Variants in EYS observed in about 807,000 individuals in gnomAD.
The protein encoded by EYS is EGF-like photoreceptor maintenance factor.
EYS carries 250 observed loss-of-function variants against 282.1 expected under a neutral mutation model. The ratio of observed to expected loss-of-function variants is 0.89; its 90% CI spans 0.80 to 0.98. The LOEUF is 0.98. EYS is among the 50% of genes least tolerant of loss of function. The probability of loss-of-function intolerance (pLI) is 0.00; values close to 1 mark genes in which losing one functional copy is unlikely to be tolerated. For synonymous variants in EYS, 1,355 were observed against 1,282.9 expected (o/e 1.06, Z -1.20); for missense variants, 4,016 against 3,709.0 (o/e 1.08, Z -2.15).
intron 33 of EYS, among the ~76,000 whole-genome samples, chr6:64,016,579 A>T (rs1459546267): frequency 4.6e-5 from 7 of 150,806 alleles, no homozygotes; most frequent in Non-Finnish European, 8.8e-5. Context: ...GATCACATGC[A>T]ATCCTCCTGC....
intron 12 of EYS, among the ~76,000 whole-genome samples, chr6:65,198,662 T>C (rs1314157539): frequency 6.6e-6 from 1 of 152,144 alleles, no homozygotes; most frequent in Non-Finnish European, 1.5e-5. Flanking sequence ...ACTTTAATGT[T>C]AAGAGAGCAA....
chr6:65,491,895 AGAG>A (rs199592090), intron 4 of EYS, among the ~76,000 whole-genome samples: 3,542 of 152,242 alleles, frequency 0.023, 97 homozygotes, highest in African/African-American at 0.062. Context: ...TGTGCTTTCA[AGAG>A]GAGAACATTT....
intron 8 of EYS, among the ~76,000 whole-genome samples, chr6:65,361,186 G>T (rs1764690786): frequency 6.6e-6 from 1 of 152,040 alleles, no homozygotes; most frequent in East Asian, 1.9e-4. Flanking sequence ...ACAGGAAGGG[G>T]AACATCACAC....
chr6:64,439,142 A>C lies in EYS; in HGVS notation c.5835+20T>G. On this transcript the variant is annotated intron_variant, in intron 27 of 42. Transcript: ENST00000503581. ...ACAACTTTGTAATTTTTAAAAAATT[A>C]AATGAACTGAATAACTTACCTTTAA... is the stretch of plus-strand genomic sequence containing the variant. 2 of 1,315,000 alleles carry C rather than the reference A, an allele frequency of 1.5e-6. No homozygotes were observed. Among genetic ancestry groups the C allele is most frequent in the Non-Finnish European group, 2.0e-6 (2 of 986,690 alleles). 81.5% of individuals were successfully genotyped at this position (1,315,000 alleles called of 1,614,324 possible). A position where few individuals can be genotyped will look rare whatever the true frequency, so the allele number is the denominator to read the frequency against.
chr6:65,202,883 C>T (rs982365717), intron 12 of EYS, among the ~76,000 whole-genome samples: 1 of 152,130 alleles, frequency 6.6e-6, no homozygotes, highest in Non-Finnish European at 1.5e-5. Context: ...GGAGAGGCAC[C>T]TCCAACCCTT....
At chr6:65,054,486 T>C (rs531951580) in intron 13 of EYS, among the ~76,000 whole-genome samples, 112 of 152,122 alleles carry the variant, frequency 7.4e-4, no homozygotes, top group African/African-American at 2.6e-3. Flanking sequence ...TTCATTCACG[T>C]GGTCTCATCT....
At chr6:64,779,278 A>G (rs1384164690) in intron 22 of EYS, among the ~76,000 whole-genome samples, 2 of 152,162 alleles carry the variant, frequency 1.3e-5, no homozygotes, top group African/African-American at 4.8e-5. Context: ...AATGAACTGA[A>G]GTATATCTAT....
intron 12 of EYS, among the ~76,000 whole-genome samples, chr6:65,179,438 G>A (rs1426958938): frequency 1.3e-5 from 2 of 152,148 alleles, no homozygotes; most frequent in South Asian, 2.1e-4. Context: ...ACACCTCTGC[G>A]CAAATAAACT....
At chr6:65,171,766 G>A (rs693585) in intron 12 of EYS, among the ~76,000 whole-genome samples, 2,859 of 151,418 alleles carry the variant, frequency 0.019, 83 homozygotes, top group African/African-American at 0.065. Flanking sequence ...ACCAGAGGAA[G>A]GTAAACTATT....
intron 19 of EYS, among the ~76,000 whole-genome samples, chr6:64,869,541 G>GA (rs957839751): frequency 7.9e-5 from 12 of 151,406 alleles, no homozygotes; most frequent in Admixed American, 2.6e-4. Flanking sequence ...CCTTTTAAGA[G>GA]AAAAAAAATC....
At chr6:64,830,369 GA>G in intron 19 of EYS, among the ~76,000 whole-genome samples, 1 of 151,998 alleles carries the variant, frequency 6.6e-6, no homozygotes, top group East Asian at 1.9e-4. Context: ...GGGGAGGGGG[GA>G]AGTAGGACAC....
chr6:64,937,788 T>A (rs1467597441), intron 15 of EYS, among the ~76,000 whole-genome samples: 1 of 151,662 alleles, frequency 6.6e-6, no homozygotes, highest in African/African-American at 2.4e-5. Context: ...TAGTTTTATA[T>A]GAAAAATAAT....
intron 7 of EYS, among the ~76,000 whole-genome samples, chr6:65,401,954 C>G (rs1224199479): frequency 1.3e-5 from 2 of 151,856 alleles, no homozygotes; most frequent in Non-Finnish European, 2.9e-5. Context: ...ATTATACACC[C>G]AGATTCTTGG....
chr6:64,537,544 T>G (rs917259039), intron 26 of EYS, among the ~76,000 whole-genome samples: 1 of 152,184 alleles, frequency 6.6e-6, no homozygotes, highest in Non-Finnish European at 1.5e-5. Context: ...TATATTTTTA[T>G]TCATATGGCT....
At chr6:63,980,083 A>G (rs539781679) in intron 35 of EYS, among the ~76,000 whole-genome samples, 2 of 151,992 alleles carry the variant, frequency 1.3e-5, no homozygotes, top group Admixed American at 6.6e-5. Flanking sequence ...TTGTAACAGT[A>G]TTTCATTTTG....
intron 28 of EYS, among the ~76,000 whole-genome samples, chr6:64,397,814 C>T (rs1368255182): frequency 2.0e-5 from 3 of 151,858 alleles, no homozygotes; most frequent in Admixed American, 2.0e-4. Context: ...GCTTTATTTA[C>T]TCTTTTGTTT....
At chr6:65,331,501 ACATTTGTTGGGCTC>A (rs1769796448) in intron 11 of EYS, 3 of 939,432 alleles carry the variant, frequency 3.2e-6, no homozygotes, top group Non-Finnish European at 3.8e-6. Context: ...TGTATCTGCA[ACATTTGTTGGGCTC>A]CATTGTTAGT....
intron 36 of EYS, among the ~76,000 whole-genome samples, chr6:63,846,283 C>T (rs1772095745): frequency 6.6e-6 from 1 of 152,058 alleles, no homozygotes; most frequent in Non-Finnish European, 1.5e-5. Context: ...CGGGAAGCCC[C>T]CTTTGGTGTT....
intron 29 of EYS, among the ~76,000 whole-genome samples, chr6:64,324,475 A>C (rs1200443290): frequency 6.6e-6 from 1 of 152,196 alleles, no homozygotes; most frequent in Non-Finnish European, 1.5e-5. Context: ...GCATTGAAGA[A>C]ACATACCTCA....
Sources: allele counts gnomAD v4.1 joint callset (sites outside exome capture counted in the v4.1 genomes callset), GRCh38; gene constraint gnomAD v4.1.1; transcripts MANE v1.5; gene names NCBI Gene and HGNC (gene_info 2026-07-23, HGNC 2026-07-21).